PTPRD: variants seen among roughly 807,000 people sequenced by gnomAD.
The protein encoded by PTPRD is protein tyrosine phosphatase receptor type D, also known as receptor-type tyrosine-protein phosphatase delta.
A neutral mutation model predicts 214.5 loss-of-function variants in PTPRD; 34 were observed. The ratio of observed to expected loss-of-function variants is 0.16; its 90% confidence interval spans 0.12 to 0.21. The LOEUF (loss-of-function observed/expected upper bound fraction) is 0.21. Ranked by LOEUF, PTPRD falls within the 10% of genes least tolerant of loss-of-function variation. The pLI, the probability that PTPRD is intolerant of heterozygous loss-of-function variation, is 1.00. For synonymous variants in PTPRD, 1,128 were observed against 845.7 expected (o/e 1.33, Z -5.79); for missense variants, 2,545 against 2,398.7 (o/e 1.06, Z -1.27).
At chr9:9,761,719 A>G (rs988272425) in intron 6 of PTPRD, among the ~76,000 whole-genome samples, 1 of 152,148 alleles carries the variant, frequency 6.6e-6, no homozygotes, top group Non-Finnish European at 1.5e-5. Context: ...TATCTCAATA[A>G]AAATTTCGAT....
chr9:8,973,919 CTTGT>C (rs765005690), intron 11 of PTPRD, among the ~76,000 whole-genome samples: 1 of 151,678 alleles, frequency 6.6e-6, no homozygotes, highest in Non-Finnish European at 1.5e-5. Flanking sequence ...TTGTTTTTTG[CTTGT>C]TTAATTGTTT....
intron 14 of PTPRD, 128 bp downstream of exon 14, chr9:8,633,189 G>C: frequency 8.3e-7 from 1 of 1,204,232 alleles, no homozygotes; most frequent in Non-Finnish European, 1.2e-6. Flanking sequence ...TAAAGTTCAA[G>C]TCTTACAAAC....
chr9:8,933,272 T>C (rs551335905), intron 11 of PTPRD, among the ~76,000 whole-genome samples: 33 of 149,766 alleles, frequency 2.2e-4, no homozygotes, highest in African/African-American at 8.1e-4. Context: ...GTCTTCTTCA[T>C]TGGTATCGCT....
intron 7 of PTPRD, among the ~76,000 whole-genome samples, chr9:9,602,744 T>G (rs2093870975): frequency 6.6e-6 from 1 of 152,114 alleles, no homozygotes; most frequent in African/African-American, 2.4e-5. Flanking sequence ...GGATAAAAGA[T>G]CTTGAAATGT....
At chr9:9,072,808 A>C (rs1022313482) in intron 10 of PTPRD, among the ~76,000 whole-genome samples, 1 of 152,222 alleles carries the variant, frequency 6.6e-6, no homozygotes. Flanking sequence ...ACATGGAGTC[A>C]CATTTTGCCT....
At chr9:9,832,631 G>A (rs1052295337) in intron 5 of PTPRD, among the ~76,000 whole-genome samples, 3 of 151,966 alleles carry the variant, frequency 2.0e-5, no homozygotes, top group Non-Finnish European at 2.9e-5. Flanking sequence ...AAACATAAGA[G>A]AGAACTTCCA....
chr9:9,978,419 C>T (rs546538034), intron 4 of PTPRD, among the ~76,000 whole-genome samples: 27 of 151,598 alleles, frequency 1.8e-4, no homozygotes, highest in African/African-American at 6.0e-4. Context: ...TGAAGAATTC[C>T]GTCAATGGAT....
intron 10 of PTPRD, among the ~76,000 whole-genome samples, chr9:9,125,890 T>C (rs1392277060): frequency 1.3e-5 from 2 of 152,140 alleles, no homozygotes; most frequent in Non-Finnish European, 2.9e-5. Context: ...GGAGGTGACC[T>C]TTGAGCTGAA....
intron 3 of PTPRD, among the ~76,000 whole-genome samples, chr9:10,301,794 AT>A (rs2095869628): frequency 6.6e-6 from 1 of 152,246 alleles, no homozygotes; most frequent in Non-Finnish European, 1.5e-5. Context: ...TCTACATTTG[AT>A]TGGTGTACCT....
At chr9:8,684,923 G>C (rs1246891554) in intron 12 of PTPRD, among the ~76,000 whole-genome samples, 1 of 152,078 alleles carries the variant, frequency 6.6e-6, no homozygotes. Flanking sequence ...CACAATCCTA[G>C]AGAGAGAAAA....
At chr9:9,875,740 C>T (rs943087830) in intron 5 of PTPRD, among the ~76,000 whole-genome samples, 1 of 152,024 alleles carries the variant, frequency 6.6e-6, no homozygotes. Flanking sequence ...GGAATATTAA[C>T]CCTTTATAAA....
intron 3 of PTPRD, among the ~76,000 whole-genome samples, chr9:10,337,087 AC>A (rs1485188292): frequency 1.3e-5 from 2 of 151,780 alleles, no homozygotes; most frequent in African/African-American, 4.8e-5. Flanking sequence ...TTCTAAAAAA[AC>A]AAACAAAAAA....
intron 2 of PTPRD, among the ~76,000 whole-genome samples, chr9:10,601,307 A>C (rs1409179148): frequency 6.6e-6 from 1 of 151,668 alleles, no homozygotes; most frequent in Admixed American, 6.6e-5. Context: ...TTTAAAAAAA[A>C]AATGTTGGCC....
chr9:8,334,067 TAGACTCCCACACAATAATAATAGG>T (rs1262601158), intron 43 of PTPRD, among the ~76,000 whole-genome samples: 3 of 152,116 alleles, frequency 2.0e-5, no homozygotes, highest in Non-Finnish European at 4.4e-5. Context: ...CAAAGAGACT[TAGACTCCCACACAATAATAATAGG>T]AGACTTTAAC....
At chr9:10,520,496 C>T (rs557047146) in intron 2 of PTPRD, among the ~76,000 whole-genome samples, 12 of 152,268 alleles carry the variant, frequency 7.9e-5, no homozygotes, top group South Asian at 4.1e-4. Flanking sequence ...GTAGAAGCTA[C>T]GGCAAGTTAT....
chr9:8,868,289 C>G (rs1436684080), intron 11 of PTPRD, among the ~76,000 whole-genome samples: 1 of 152,200 alleles, frequency 6.6e-6, no homozygotes, highest in Non-Finnish European at 1.5e-5. Context: ...ACCTCTGCCT[C>G]CCAGGTTCAA....
chr9:9,692,108 TGAA>T (rs35979175), intron 7 of PTPRD, among the ~76,000 whole-genome samples: 92,861 of 151,472 alleles, frequency 0.61, 28,755 homozygotes, highest in South Asian at 0.66. Flanking sequence ...TCCTTTGATG[TGAA>T]GAAGATTTTA....
At chr9:8,481,271 A>C (rs1157077330) in intron 30 of PTPRD, among the ~76,000 whole-genome samples, 1 of 151,152 alleles carries the variant, frequency 6.6e-6, no homozygotes, top group Non-Finnish European at 1.5e-5. Flanking sequence ...AATCTTTCAG[A>C]AATTCTTTTC....
At chr9:9,302,585 T>C (rs529276846) in intron 9 of PTPRD, among the ~76,000 whole-genome samples, 33 of 140,768 alleles carry the variant, frequency 2.3e-4, no homozygotes, top group Admixed American at 2.0e-3. Context: ...ACATCATGTT[T>C]TGTAGTTTTT....
Sources: gnomAD v4.1 joint callset for allele counts (sites outside exome capture counted in the v4.1 genomes callset) on GRCh38, gnomAD v4.1.1 for gene constraint, MANE v1.5 for transcripts, NCBI Gene and HGNC (gene_info 2026-07-23, HGNC 2026-07-21) for gene names.